The following PCDH15 variants were observed in gnomAD, a reference collection of about 807,000 sequenced individuals.
PCDH15 encodes the protein protocadherin-15.
In PCDH15, 129 loss-of-function variants were observed where a neutral mutation model predicts 178.5. That is an observed-to-expected ratio of 0.72 (90% CI 0.63 to 0.84). PCDH15 has a LOEUF of 0.84. Among genes scored for constraint, PCDH15 ranks in the 40% least tolerant of loss-of-function variants. PCDH15 has a pLI of 0.00. For synonymous variants in PCDH15, 800 were observed against 732.0 expected, an observed-to-expected ratio of 1.09 and a Z score of -1.50; for missense variants, 2,230 against 2,099.9, an observed-to-expected ratio of 1.06 and a Z score of -1.21.
chr10:55,242,193 G>T (rs1841561714), intron 1 of PCDH15, among the ~76,000 whole-genome samples: 1 of 152,114 alleles, frequency 6.6e-6, no homozygotes, highest in Non-Finnish European at 1.5e-5. Context: ...CACTGGTGTT[G>T]CTTCAGTTCA....
intron 2 of PCDH15, among the ~76,000 whole-genome samples, chr10:54,937,146 G>A (rs1029782617): frequency 6.6e-6 from 1 of 151,922 alleles, no homozygotes; most frequent in East Asian, 1.9e-4. Context: ...TCAGTGAAGA[G>A]GCTTATTTTT....
At chr10:54,319,993 C>A (rs1591781558) in intron 7 of PCDH15, among the ~76,000 whole-genome samples, 1 of 152,012 alleles carries the variant, frequency 6.6e-6, no homozygotes, top group Admixed American at 6.6e-5. Context: ...TATTTTTATA[C>A]AGTATAAGAC....
chr10:55,187,001 C>T (rs1398433589), intron 1 of PCDH15, among the ~76,000 whole-genome samples: 1 of 151,802 alleles, frequency 6.6e-6, no homozygotes, highest in Non-Finnish European at 1.5e-5. Flanking sequence ...TTAAGCATTA[C>T]AACAATTAAT....
At chr10:55,223,456 A>G (rs1840941883) in intron 1 of PCDH15, among the ~76,000 whole-genome samples, 1 of 152,164 alleles carries the variant, frequency 6.6e-6, no homozygotes. Context: ...TATCTATTTT[A>G]TTCAGAATTC....
At chr10:53,856,513 C>T (rs553100900) in intron 28 of PCDH15, among the ~76,000 whole-genome samples, 134 of 152,116 alleles carry the variant, frequency 8.8e-4, no homozygotes, top group African/African-American at 3.1e-3. Flanking sequence ...AAGCTCTAGG[C>T]ATTTAGACAC....
intron 20 of PCDH15, among the ~76,000 whole-genome samples, chr10:54,015,760 T>C (rs908836807): frequency 2.0e-5 from 3 of 152,244 alleles, no homozygotes; most frequent in African/African-American, 7.2e-5. Context: ...TCAAGACGGA[T>C]TGAAGACTTC....
chr10:55,049,506 CT>C (rs1841104228), intron 2 of PCDH15, among the ~76,000 whole-genome samples: 1 of 151,832 alleles, frequency 6.6e-6, no homozygotes, highest in Non-Finnish European at 1.5e-5. Context: ...GGTAACTCCT[CT>C]TATAATTTAA....
At chr10:54,336,850 C>T (rs903420838) in intron 6 of PCDH15, among the ~76,000 whole-genome samples, 4 of 152,140 alleles carry the variant, frequency 2.6e-5, no homozygotes, top group Admixed American at 2.6e-4. Context: ...TGATAGTTTG[C>T]ACTGCATGCC....
chr10:54,615,545 G>A (rs749404856), intron 2 of PCDH15, among the ~76,000 whole-genome samples: 1 of 152,000 alleles, frequency 6.6e-6, no homozygotes, highest in South Asian at 2.1e-4. Flanking sequence ...ATACATATAT[G>A]TGCATCCATT....
intron 2 of PCDH15, among the ~76,000 whole-genome samples, chr10:55,581,188 C>A (rs1310354620): frequency 6.6e-6 from 1 of 151,984 alleles, no homozygotes; most frequent in South Asian, 2.1e-4. Context: ...ATACAGGAGA[C>A]TTTTTTAAAT....
At chr10:54,522,887 A>G (rs930162379) in intron 3 of PCDH15, among the ~76,000 whole-genome samples, 1 of 152,180 alleles carries the variant, frequency 6.6e-6, no homozygotes, top group African/African-American at 2.4e-5. Context: ...AAAAATGAAG[A>G]CAAATTTGGG....
intron 1 of PCDH15, among the ~76,000 whole-genome samples, chr10:55,301,341 A>G (rs1843273226): frequency 6.6e-6 from 1 of 151,934 alleles, no homozygotes; most frequent in Non-Finnish European, 1.5e-5. Context: ...TTTCACTTGC[A>G]TTTCCTTAAT....
At chr10:54,299,452 T>A (rs2060018280) in intron 8 of PCDH15, among the ~76,000 whole-genome samples, 1 of 152,188 alleles carries the variant, frequency 6.6e-6, no homozygotes, top group Admixed American at 6.5e-5. Context: ...AAATGTATAA[T>A]TGATAATTAA....
Position 53,955,749 on chromosome 10 carries a change from C to T in PCDH15, c.3122+3983G>A, listed in dbSNP as rs78097944. ...TTTTTCACTAGGAGCAATCCCAACA[C>T]GAAAGACCATCCTAATAATCAAAAA... is the stretch of plus-strand genomic sequence containing the variant. On this transcript the variant is annotated intron_variant, in intron 23 of 37. Coordinates refer to ENST00000644397, the MANE Select transcript of PCDH15 (RefSeq NM_001384140.1). Among the ~76,000 whole-genome samples the T allele has an allele frequency of 3.0e-3, 452 of 152,236 alleles. 2 individuals carry two copies. The highest frequency in any genetic ancestry group is 6.8e-3 in the Middle Eastern group (2 of 294).
chr10:54,962,071 C>T (rs535804900), intron 2 of PCDH15, among the ~76,000 whole-genome samples: 1 of 152,334 alleles, frequency 6.6e-6, no homozygotes, highest in South Asian at 2.1e-4. Flanking sequence ...TCCACATAAC[C>T]TCATTCTTCC....
chr10:53,819,803 A>AGAT (rs1404138094), intron 33 of PCDH15, among the ~76,000 whole-genome samples: 1 of 152,022 alleles, frequency 6.6e-6, no homozygotes, highest in African/African-American at 2.4e-5. Flanking sequence ...CTCATATAGA[A>AGAT]GATATTTTAA....
intron 2 of PCDH15, among the ~76,000 whole-genome samples, chr10:55,325,229 T>C (rs1843999852): frequency 6.6e-6 from 1 of 152,052 alleles, no homozygotes; most frequent in Non-Finnish European, 1.5e-5. Context: ...GATCTTAAAA[T>C]TCATATGGAA....
intron 2 of PCDH15, among the ~76,000 whole-genome samples, chr10:55,381,777 A>G (rs1331418094): frequency 6.6e-6 from 1 of 152,172 alleles, no homozygotes; most frequent in African/African-American, 2.4e-5. Flanking sequence ...TAAAAGTAAA[A>G]GAAGAAAAAG....
At chr10:55,462,924 T>C (rs1197827989) in intron 2 of PCDH15, among the ~76,000 whole-genome samples, 2 of 152,092 alleles carry the variant, frequency 1.3e-5, no homozygotes, top group Non-Finnish European at 2.9e-5. Flanking sequence ...AATTTTGAAG[T>C]GGCTCTGCCT....
Sources: gnomAD v4.1 joint callset for allele counts (sites outside exome capture counted in the v4.1 genomes callset) on GRCh38, gnomAD v4.1.1 for gene constraint, MANE v1.5 for transcripts, NCBI Gene and HGNC (gene_info 2026-07-23, HGNC 2026-07-21) for gene names.